Variants in PACRG observed in about 807,000 individuals in gnomAD.
The protein encoded by PACRG is parkin coregulated.
PACRG carries 29 observed loss-of-function variants against 29.7 expected under a neutral mutation model. The ratio of observed to expected loss-of-function variants is 0.98; its 90% confidence interval spans 0.73 to 1.33. PACRG has a LOEUF of 1.33. PACRG is among the 40% of genes most tolerant of loss of function. The pLI, the probability that PACRG is intolerant of heterozygous loss-of-function variation, is 0.00. For synonymous variants in PACRG, 116 were observed against 118.7 expected (o/e 0.98, Z 0.15); for missense variants, 279 against 316.2 (o/e 0.88, Z 0.89).
chr6:163,083,489 A>T (rs888965197), intron 3 of PACRG, among the ~76,000 whole-genome samples: 1 of 152,098 alleles, frequency 6.6e-6, no homozygotes, highest in Non-Finnish European at 1.5e-5. Flanking sequence ...CTGTGTGCCA[A>T]CCACCTTGGG....
chr6:163,114,272 A>C (rs1051940262), intron 4 of PACRG, among the ~76,000 whole-genome samples: 9 of 151,924 alleles, frequency 5.9e-5, no homozygotes, highest in Non-Finnish European at 1.2e-4. Context: ...CAACAACAAA[A>C]CCTGAAAAGG....
chr6:162,977,029 C>A (rs1802018076), intron 2 of PACRG, among the ~76,000 whole-genome samples: 2 of 151,850 alleles, frequency 1.3e-5, no homozygotes, highest in Admixed American at 1.3e-4. Context: ...GAGAAACTTG[C>A]AGGACTTGAG....
intron 2 of PACRG, among the ~76,000 whole-genome samples, chr6:163,039,137 T>G: frequency 6.6e-6 from 1 of 152,114 alleles, no homozygotes; most frequent in South Asian, 2.1e-4. Context: ...TCACGAGATT[T>G]GATGGTTTAT....
intron 4 of PACRG, among the ~76,000 whole-genome samples, chr6:163,295,592 T>C (rs1168872439): frequency 1.3e-5 from 2 of 152,252 alleles, no homozygotes; most frequent in Non-Finnish European, 2.9e-5. Context: ...CCCATAATTG[T>C]CAAGCTTTTG....
At chr6:163,091,295 A>T (rs1004672845) in intron 4 of PACRG, among the ~76,000 whole-genome samples, 1 of 152,228 alleles carries the variant, frequency 6.6e-6, no homozygotes, top group Non-Finnish European at 1.5e-5. Context: ...AAACAAAACA[A>T]TTGGTTTCTA....
rs376313992 is a variant in PACRG, at chr6:162,987,307, G to T, written c.292-74843G>T. Among the ~76,000 whole-genome samples the T allele has an allele frequency of 2.6e-5, 4 of 152,272 alleles. No homozygotes were observed. The East Asian group carries it at 5.8e-4, about 22-fold the overall frequency. On this transcript the variant is annotated intron_variant, in intron 2 of 4. Transcript: ENST00000366888. ...TTGCTCTTCTGGGTCTAGCCACTCT[G>T]TGGAGCTACCAGGCTCCAGGCTGGT...
chr6:162,914,254 T>C (rs1796525539), intron 2 of PACRG, among the ~76,000 whole-genome samples: 1 of 152,118 alleles, frequency 6.6e-6, no homozygotes. Context: ...GTATAAATTG[T>C]CTATTTTTTT....
intron 1 of PACRG, among the ~76,000 whole-genome samples, chr6:162,767,615 A>T (rs1782902089): frequency 6.6e-6 from 1 of 151,668 alleles, no homozygotes; most frequent in Non-Finnish European, 1.5e-5. Context: ...CATTCTGACA[A>T]TTTGGGGAGA....
At chr6:163,239,946 C>A in intron 4 of PACRG, among the ~76,000 whole-genome samples, 1 of 127,836 alleles carries the variant, frequency 7.8e-6, no homozygotes. Flanking sequence ...CACTCCCACC[C>A]CCCCCACACA....
intron 2 of PACRG, among the ~76,000 whole-genome samples, chr6:162,965,012 T>G (rs1382944418): frequency 1.3e-5 from 2 of 152,222 alleles, no homozygotes; most frequent in Non-Finnish European, 2.9e-5. Flanking sequence ...GCTGAGCTGT[T>G]ATCTGGAAGC....
chr6:162,928,820 AG>A (rs1228563390), intron 2 of PACRG, among the ~76,000 whole-genome samples: 1 of 151,268 alleles, frequency 6.6e-6, no homozygotes, highest in Non-Finnish European at 1.5e-5. Context: ...CTTCTTAATA[AG>A]GTCCACTTTT....
chr6:162,957,361 A>G (rs796659877), intron 2 of PACRG: 29 of 619,148 alleles, frequency 4.7e-5, no homozygotes, highest in Middle Eastern at 7.3e-4. Flanking sequence ...GGCCCTGCTG[A>G]CATGTTTTTT....
At chr6:163,295,369 G>A (rs1439200254) in intron 4 of PACRG, among the ~76,000 whole-genome samples, 4 of 152,278 alleles carry the variant, frequency 2.6e-5, no homozygotes, top group African/African-American at 7.2e-5. Flanking sequence ...GTGTTAATTG[G>A]CTTGGCCACA....
intron 2 of PACRG, among the ~76,000 whole-genome samples, chr6:163,032,433 C>T (rs1807757301): frequency 6.6e-6 from 1 of 152,078 alleles, no homozygotes; most frequent in Non-Finnish European, 1.5e-5. Flanking sequence ...GATTACAAAC[C>T]ACCTTTGGAA....
intron 4 of PACRG, among the ~76,000 whole-genome samples, chr6:163,207,984 C>T (rs986529131): frequency 6.6e-6 from 1 of 152,184 alleles, no homozygotes; most frequent in East Asian, 1.9e-4. Flanking sequence ...AGCAAAGCTG[C>T]CAGGCGTTGG....
chr6:163,049,922 C>A (rs960296427), intron 2 of PACRG, among the ~76,000 whole-genome samples: 1 of 151,980 alleles, frequency 6.6e-6, no homozygotes, highest in Non-Finnish European at 1.5e-5. Flanking sequence ...AAAACAGTTC[C>A]TCTTCCAGGA....
At chr6:163,289,074 C>A (rs1041561004) in intron 4 of PACRG, among the ~76,000 whole-genome samples, 3 of 152,164 alleles carry the variant, frequency 2.0e-5, no homozygotes, top group African/African-American at 7.2e-5. Context: ...CTGTGGCATG[C>A]AGATGGGAGC....
At chr6:163,210,682 A>G (rs1215715006) in intron 4 of PACRG, among the ~76,000 whole-genome samples, 1 of 152,240 alleles carries the variant, frequency 6.6e-6, no homozygotes, top group Non-Finnish European at 1.5e-5. Context: ...TCTTCCCCTT[A>G]CTTTTGCTGA....
chr6:162,762,327 G>A (rs1269799726), intron 1 of PACRG, among the ~76,000 whole-genome samples: 1 of 152,180 alleles, frequency 6.6e-6, no homozygotes, highest in Non-Finnish European at 1.5e-5. Context: ...AAAAGCCAAA[G>A]AGTTATGTAA....
Sources: allele counts gnomAD v4.1 joint callset (sites outside exome capture counted in the v4.1 genomes callset), GRCh38; gene constraint gnomAD v4.1.1; transcripts MANE v1.5; gene names NCBI Gene and HGNC (gene_info 2026-07-23, HGNC 2026-07-21).